Variants in USH2A observed in about 807,000 individuals in gnomAD.
USH2A encodes the protein usherin.
Under a neutral mutation model 538.9 loss-of-function variants are expected in USH2A, and 443 were observed. The observed-to-expected ratio is 0.82, with a 90% confidence interval of 0.76 to 0.89. The LOEUF (loss-of-function observed/expected upper bound fraction) is 0.89. Ranked by LOEUF, USH2A falls within the 40% of genes least tolerant of loss-of-function variation. The pLI is 0.00. For synonymous variants in USH2A, 2,413 were observed against 2,273.5 expected (o/e 1.06, Z -1.75); for missense variants, 6,633 against 6,324.8 (o/e 1.05, Z -1.65).
chr1:216,336,588 T>A (rs893371634), intron 4 of USH2A, among the ~76,000 whole-genome samples: 7 of 151,638 alleles, frequency 4.6e-5, no homozygotes, highest in African/African-American at 1.4e-4. Flanking sequence ...TGCATTTCAG[T>A]AGCAATGAAA....
intron 70 of USH2A, chr1:215,630,389 C>T: frequency 2.5e-6 from 1 of 403,486 alleles, no homozygotes; most frequent in Non-Finnish European, 5.0e-6. Flanking sequence ...TCCTAGGATA[C>T]ATACCTGCAT....
chr1:216,419,752 T>C (rs1196597364), intron 2 of USH2A, among the ~76,000 whole-genome samples: 1 of 152,056 alleles, frequency 6.6e-6, no homozygotes. Context: ...GAGAGGCAAA[T>C]GTATAAAATT....
intron 32 of USH2A, among the ~76,000 whole-genome samples, chr1:216,029,626 G>A (rs1669044255): frequency 6.6e-6 from 1 of 151,876 alleles, no homozygotes; most frequent in Non-Finnish European, 1.5e-5. Context: ...TGAAACAGAA[G>A]ATAAAACAGT....
intron 34 of USH2A, among the ~76,000 whole-genome samples, chr1:215,993,805 G>C (rs1477608240): frequency 6.6e-6 from 1 of 152,084 alleles, no homozygotes; most frequent in East Asian, 1.9e-4. Context: ...GAGTAGATAG[G>C]CTTCATTAAA....
At chr1:216,170,072 G>A (rs536621964) in intron 21 of USH2A, among the ~76,000 whole-genome samples, 41 of 152,174 alleles carry the variant, frequency 2.7e-4, no homozygotes, top group African/African-American at 7.7e-4. Context: ...TAGTCTATCT[G>A]AAGAAGTTTG....
At chr1:216,281,489 T>C (rs2102595241) in intron 11 of USH2A, among the ~76,000 whole-genome samples, 1 of 152,318 alleles carries the variant, frequency 6.6e-6, no homozygotes, top group South Asian at 2.1e-4. Context: ...TCTCTATTCT[T>C]CGTCCGTCTT....
chr1:215,796,624 A>C (rs1428116742), intron 50 of USH2A, among the ~76,000 whole-genome samples: 3 of 152,028 alleles, frequency 2.0e-5, no homozygotes, highest in Non-Finnish European at 4.4e-5. Flanking sequence ...CTATTCTCTG[A>C]GGCACAGCAA....
chr1:215,826,558 G>A (rs1031128601), intron 47 of USH2A, among the ~76,000 whole-genome samples: 9 of 152,240 alleles, frequency 5.9e-5, no homozygotes, highest in Non-Finnish European at 8.8e-5. Context: ...AACTAGATGC[G>A]AGGCTAATAT....
intron 50 of USH2A, among the ~76,000 whole-genome samples, chr1:215,795,660 T>C (rs889137328): frequency 9.2e-5 from 14 of 152,176 alleles, no homozygotes; most frequent in Non-Finnish European, 1.6e-4. Flanking sequence ...TTTTGCACCC[T>C]CCCTGCCACC....
In USH2A at chr1:215,634,553, T is replaced by C. The variant is rs759908492; in HGVS notation, c.15203A>G (p.His5068Arg). 1.2e-6 allele frequency: 2 copies of C among 1,614,098 alleles called. No homozygotes were observed. The highest frequency in any genetic ancestry group is 2.7e-5 in the African/African-American group (2 of 74,946). The change falls in exon 70 of 72, where the codon CAC (histidine) becomes CGC (arginine). Residue 5068 changes from histidine to arginine, a missense_variant. Transcript: ENST00000307340. ...FLSLILQRKI[H>R]KEPYIRERPP... ...TCTTTCTCTGATATATGGCTCTTTG[T>C]GGATTTTTCTTTGTAGTATCAGGGA... is the stretch of plus-strand genomic sequence containing the variant.
intron 35 of USH2A, among the ~76,000 whole-genome samples, chr1:215,989,887 C>T (rs1000585423): frequency 4.0e-5 from 6 of 151,840 alleles, no homozygotes; most frequent in African/African-American, 1.5e-4. Flanking sequence ...AGTAAATACC[C>T]AGGGGTATTT....
chr1:216,390,441 C>T (rs1000502938), intron 3 of USH2A, among the ~76,000 whole-genome samples: 1 of 152,106 alleles, frequency 6.6e-6, no homozygotes, highest in South Asian at 2.1e-4. Flanking sequence ...ATAATTGCAC[C>T]TCTTCTTGAA....
chr1:215,749,127 G>C (rs1857228), intron 58 of USH2A, among the ~76,000 whole-genome samples: 147,512 of 152,308 alleles, frequency 0.97, 71,620 homozygotes, highest in East Asian at 1. Context: ...ATTATTCATT[G>C]TTAGCAGTAA....
intron 15 of USH2A, among the ~76,000 whole-genome samples, chr1:216,211,544 G>T (rs554969746): frequency 6.6e-6 from 1 of 152,252 alleles, no homozygotes; most frequent in African/African-American, 2.4e-5. Context: ...GCTTCCTAAA[G>T]ACAAAGTCTG....
chr1:215,975,042 G>A (rs1422256178), intron 35 of USH2A, among the ~76,000 whole-genome samples: 4 of 152,150 alleles, frequency 2.6e-5, no homozygotes, highest in Middle Eastern at 3.2e-3. Flanking sequence ...TCTGACTGGT[G>A]TGAGATGGTA....
At chr1:215,800,928 C>T (rs1300700726) in intron 49 of USH2A, among the ~76,000 whole-genome samples, 3 of 152,198 alleles carry the variant, frequency 2.0e-5, no homozygotes, top group South Asian at 2.1e-4. Context: ...AATGATTCTG[C>T]AACATGACCA....
At chr1:216,338,156 C>T (rs151334287) in intron 4 of USH2A, among the ~76,000 whole-genome samples, 1 of 151,344 alleles carries the variant, frequency 6.6e-6, no homozygotes, top group East Asian at 1.9e-4. Context: ...ATAAACTGAT[C>T]CTAAAATTCA....
At chr1:215,709,509 G>A (rs1296479962) in intron 61 of USH2A, among the ~76,000 whole-genome samples, 1 of 146,274 alleles carries the variant, frequency 6.8e-6, no homozygotes, top group African/African-American at 2.6e-5. Context: ...CTTTGAAAAT[G>A]AAATTGAGTT....
chr1:215,946,123 C>T (rs1443128993), intron 37 of USH2A, among the ~76,000 whole-genome samples: 1 of 152,122 alleles, frequency 6.6e-6, no homozygotes, highest in Non-Finnish European at 1.5e-5. Context: ...ATATGACATA[C>T]TTTTAGCTTT....
Sources: allele counts gnomAD v4.1 joint callset (sites outside exome capture counted in the v4.1 genomes callset), GRCh38; gene constraint gnomAD v4.1.1; transcripts MANE v1.5; gene names NCBI Gene and HGNC (gene_info 2026-07-23, HGNC 2026-07-21).